GRIK2: variants seen among roughly 807,000 people sequenced by gnomAD.
GRIK2 encodes the protein glutamate ionotropic receptor kainate type subunit 2.
Under a neutral mutation model 100.3 loss-of-function variants are expected in GRIK2, and 32 were observed. That is an observed-to-expected ratio of 0.32 (90% CI 0.24 to 0.43). The LOEUF is 0.43. GRIK2 is among the 20% of genes least tolerant of loss of function. The probability of loss-of-function intolerance (pLI) is 1.00; values close to 1 mark genes in which losing one functional copy is unlikely to be tolerated. For synonymous variants in GRIK2, 417 were observed against 389.4 expected (o/e 1.07, Z -0.83); for missense variants, 843 against 1,114.9 (o/e 0.76, Z 3.47).
Position 102,035,422 on chromosome 6 carries a change from G to C in GRIK2, c.2167G>C (p.Glu723Gln). 6.2e-7 allele frequency: 1 copy of C among 1,608,710 alleles called. No homozygotes were observed. Among genetic ancestry groups the C allele is most frequent in the Non-Finnish European group, 8.5e-7 (1 of 1,176,094 alleles). ...RQSVLVKSNEEGIQRVLTSDY... is the reference protein window; with the variant it reads ...RQSVLVKSNEQGIQRVLTSDY... Reference sequence around the variant, plus strand: ...GTCAGTGCTGGTCAAAAGTAATGAAGAAGGAATCCAGCGAGTCCTCACCTC... The same window carrying C: ...GTCAGTGCTGGTCAAAAGTAATGAACAAGGAATCCAGCGAGTCCTCACCTC... Residue 723 changes from glutamate (E) to glutamine (Q), a missense_variant, in exon 15 of 17, where the codon GAA becomes CAA. Coordinates refer to ENST00000369134, the MANE Select transcript of GRIK2 (RefSeq NM_021956.5).
rs983548482 is a variant in GRIK2, at chr6:101,445,723, A to G, written c.115+46331A>G. Among the ~76,000 whole-genome samples, 4 of 152,062 alleles carry G rather than the reference A, an allele frequency of 2.6e-5. No homozygotes were observed. The East Asian group carries it at 7.7e-4, about 29-fold the overall frequency. ...GACTAACTCTATAGCAAATTCTTGC[A>G]GTTTTACAGCACTTGGGATCTAGCC... On this transcript the variant is annotated intron_variant, in intron 2 of 16. Coordinates refer to ENST00000369134, the MANE Select transcript of GRIK2 (RefSeq NM_021956.5).
At chr6:101,582,571 CCT>C (rs1778154024) in intron 2 of GRIK2, among the ~76,000 whole-genome samples, 1 of 151,986 alleles carries the variant, frequency 6.6e-6, no homozygotes, top group African/African-American at 2.4e-5. Context: ...AATTATGCAG[CCT>C]CAGGCATTTC....
chr6:101,612,116 A>G (rs559970843), intron 2 of GRIK2, among the ~76,000 whole-genome samples: 1 of 151,972 alleles, frequency 6.6e-6, no homozygotes, highest in South Asian at 2.1e-4. Context: ...GTCTTAATCC[A>G]GCATCCATCA....
intron 7 of GRIK2, among the ~76,000 whole-genome samples, chr6:101,789,301 C>T (rs1196729381): frequency 1.3e-5 from 2 of 152,076 alleles, no homozygotes; most frequent in Non-Finnish European, 2.9e-5. Flanking sequence ...TCCTGAATGG[C>T]AATGCCTAGA....
chr6:101,872,988 T>A lies in GRIK2; in HGVS notation c.1524+13495T>A, dbSNP rs1785530385. ...TGACAGTGATACCATAGTGAAGATT[T>A]CTTGATTCTGGTTCTGAATCTTAGT... On this transcript the variant is annotated intron_variant, in intron 11 of 16. Coordinates refer to ENST00000369134, the MANE Select transcript of GRIK2 (RefSeq NM_021956.5). Among the ~76,000 whole-genome samples the A allele has an allele frequency of 2.0e-5, 3 of 152,064 alleles. No individual in the cohort carries two copies. The South Asian group carries it at 6.2e-4, about 32-fold the overall frequency.
At chr6:101,462,480 AAG>A (rs1771371493) in intron 2 of GRIK2, among the ~76,000 whole-genome samples, 1 of 30,674 alleles carries the variant, frequency 3.3e-5, no homozygotes, top group Non-Finnish European at 5.5e-5. Context: ...TACTCTAAAA[AAG>A]ACCAGGAAGA....
At chr6:101,907,845 A>G (rs1346550513) in intron 12 of GRIK2, among the ~76,000 whole-genome samples, 1 of 151,562 alleles carries the variant, frequency 6.6e-6, no homozygotes, top group African/African-American at 2.4e-5. Flanking sequence ...GCTACATTTT[A>G]GTTTTTCACT....
intron 2 of GRIK2, among the ~76,000 whole-genome samples, chr6:101,531,958 C>A (rs1206745631): frequency 3.9e-5 from 6 of 151,908 alleles, no homozygotes; most frequent in Admixed American, 3.3e-4. Context: ...GTCTTCTTGG[C>A]TCCAGTTTTA....
chr6:101,916,308 G>A lies in GRIK2; in HGVS notation c.1749-8293G>A, dbSNP rs138113825. Reference sequence around the variant, plus strand: ...TGATCTTTTCTTGAGCATTTGTGACGTTTTTTGTATTCTGATAATATCACA... The same window carrying A: ...TGATCTTTTCTTGAGCATTTGTGACATTTTTTGTATTCTGATAATATCACA... On this transcript the variant is annotated intron_variant, in intron 12 of 16. Transcript: ENST00000369134. Among the ~76,000 whole-genome samples the A allele has an allele frequency of 2.9e-4, 44 of 151,338 alleles. No homozygotes were observed. The East Asian group carries it at 4.9e-3, about 17-fold the overall frequency.
At chr6:101,751,112 A>AT (rs1394680007) in intron 7 of GRIK2, among the ~76,000 whole-genome samples, 2 of 151,850 alleles carry the variant, frequency 1.3e-5, no homozygotes, top group Non-Finnish European at 1.5e-5. Context: ...TTTCTTCTAA[A>AT]TTTTTTGTAG....
At chr6:101,934,876 T>C (rs1004842797) in intron 14 of GRIK2, among the ~76,000 whole-genome samples, 1 of 152,004 alleles carries the variant, frequency 6.6e-6, no homozygotes, top group African/African-American at 2.4e-5. Context: ...GGTGGTAAAA[T>C]ATTTTGAAAG....
At chr6:102,016,883 C>G (rs564210541) in intron 14 of GRIK2, among the ~76,000 whole-genome samples, 1 of 152,194 alleles carries the variant, frequency 6.6e-6, no homozygotes, top group African/African-American at 2.4e-5. Context: ...AGAGAAAGGA[C>G]AGGTAACCTA....
At chr6:101,983,085 A>G (rs1793813800) in intron 14 of GRIK2, among the ~76,000 whole-genome samples, 1 of 151,894 alleles carries the variant, frequency 6.6e-6, no homozygotes, top group Non-Finnish European at 1.5e-5. Flanking sequence ...TTTGGACAAT[A>G]AATGGCCACC....
intron 7 of GRIK2, among the ~76,000 whole-genome samples, chr6:101,767,894 G>A (rs1778135487): frequency 6.6e-6 from 1 of 151,876 alleles, no homozygotes; most frequent in Admixed American, 6.6e-5. Flanking sequence ...GTCTGCCTCT[G>A]TCACCCAGGC....
chr6:101,444,069 T>TTG (rs1770233647), intron 2 of GRIK2, among the ~76,000 whole-genome samples: 1 of 145,336 alleles, frequency 6.9e-6, no homozygotes. Context: ...TTCCGGGTTT[T>TTG]TTTGTTTGTT....
At chr6:101,933,200 G>A (rs999730039) in intron 14 of GRIK2, among the ~76,000 whole-genome samples, 19 of 151,834 alleles carry the variant, frequency 1.3e-4, no homozygotes, top group Admixed American at 5.9e-4. Context: ...AAGAACTTTC[G>A]CTGGCAGAAG....
intron 4 of GRIK2, among the ~76,000 whole-genome samples, chr6:101,667,937 C>A (rs1770151420): frequency 6.6e-6 from 1 of 152,058 alleles, no homozygotes; most frequent in South Asian, 2.1e-4. Context: ...AATCAATTAT[C>A]CCTGACATGC....
chr6:101,776,406 G>T (rs1778749923), intron 7 of GRIK2, among the ~76,000 whole-genome samples: 1 of 152,132 alleles, frequency 6.6e-6, no homozygotes, highest in African/African-American at 2.4e-5. Context: ...AAATAATTAT[G>T]CAGAGAAGAC....
intron 7 of GRIK2, among the ~76,000 whole-genome samples, chr6:101,779,037 ATATT>A (rs1392907474): frequency 6.6e-6 from 1 of 152,144 alleles, no homozygotes; most frequent in Non-Finnish European, 1.5e-5. Context: ...TAAGATCAAA[ATATT>A]AATGTCAATT....
Sources: allele counts gnomAD v4.1 joint callset (sites outside exome capture counted in the v4.1 genomes callset), GRCh38; gene constraint gnomAD v4.1.1; transcripts MANE v1.5; gene names NCBI Gene and HGNC (gene_info 2026-07-23, HGNC 2026-07-21).